The following MYO1E variants were observed in gnomAD, a reference collection of about 807,000 sequenced individuals.
MYO1E encodes the protein unconventional myosin-Ie.
In MYO1E, 68 loss-of-function variants were observed where a neutral mutation model predicts 151.1. The ratio of observed to expected loss-of-function variants is 0.45; its 90% CI spans 0.37 to 0.55. MYO1E has a LOEUF of 0.55. Ranked by LOEUF, MYO1E falls within the 20% of genes least tolerant of loss-of-function variation. MYO1E has a pLI of 0.00. For synonymous variants in MYO1E, 601 were observed against 501.7 expected (o/e 1.20, Z -2.64); for missense variants, 1,363 against 1,389.3 (o/e 0.98, Z 0.30).
intron 25 of MYO1E, among the ~76,000 whole-genome samples, chr15:59,157,172 G>C (rs1041348965): frequency 2.0e-5 from 3 of 152,106 alleles, no homozygotes; most frequent in Admixed American, 6.5e-5. Flanking sequence ...GCTGCAGTGA[G>C]CTATGATGGC....
intron 7 of MYO1E, 119 bp downstream of exon 7, chr15:59,227,340 A>G: frequency 8.3e-7 from 1 of 1,208,932 alleles, no homozygotes. Context: ...TGACTTGTAC[A>G]TGGTATCATC....
chr15:59,188,467 G>A (rs902382923), intron 17 of MYO1E, among the ~76,000 whole-genome samples: 11 of 152,178 alleles, frequency 7.2e-5, no homozygotes, highest in Non-Finnish European at 1.0e-4. Context: ...AGGGTGAGGC[G>A]GGTAGATCAC....
intron 18 of MYO1E, among the ~76,000 whole-genome samples, chr15:59,180,238 A>G (rs148441413): frequency 3.0e-4 from 45 of 152,370 alleles, no homozygotes; most frequent in Middle Eastern, 3.4e-3. Context: ...TGTTATAAGG[A>G]TGTTAATTAA....
At chr15:59,335,928 G>C (rs1328343929) in intron 1 of MYO1E, among the ~76,000 whole-genome samples, 1 of 151,634 alleles carries the variant, frequency 6.6e-6, no homozygotes, top group African/African-American at 2.4e-5. Context: ...TTTCCAATGA[G>C]AACCCGGCTG....
intron 1 of MYO1E, among the ~76,000 whole-genome samples, chr15:59,333,274 C>G (rs576646432): frequency 6.6e-6 from 1 of 152,196 alleles, no homozygotes; most frequent in South Asian, 2.1e-4. Context: ...GGGCCTCGCT[C>G]TGTTACCCAG....
chr15:59,272,527 C>T (rs1014319888), intron 1 of MYO1E, 78 bp from the exon 2 acceptor site: 3 of 1,443,344 alleles, frequency 2.1e-6, no homozygotes, highest in African/African-American at 1.4e-5. Flanking sequence ...TGTTAATTTC[C>T]CAAATATTCT....
intron 5 of MYO1E, among the ~76,000 whole-genome samples, chr15:59,232,669 G>A (rs1265932455): frequency 6.6e-6 from 1 of 152,190 alleles, no homozygotes; most frequent in Non-Finnish European, 1.5e-5. Context: ...CTTCTGGCTT[G>A]TGCTCTTTAG....
intron 19 of MYO1E, among the ~76,000 whole-genome samples, chr15:59,176,457 T>C (rs1264108751): frequency 1.3e-5 from 2 of 150,720 alleles, no homozygotes; most frequent in Non-Finnish European, 3.0e-5. Flanking sequence ...TCCTTTTTTT[T>C]TTTTTTTTCT....
chr15:59,365,929 T>G (rs2080910399), intron 1 of MYO1E, among the ~76,000 whole-genome samples: 2 of 152,186 alleles, frequency 1.3e-5, no homozygotes, highest in African/African-American at 4.8e-5. Context: ...CACTGGGCAC[T>G]AAGGAGTTAA....
Position 59,208,790 on chromosome 15 carries a change from C to G in MYO1E, c.1421G>C (p.Gly474Ala). 6.2e-7 allele frequency: 1 copy of G among 1,614,242 alleles called. No homozygotes were observed. Among genetic ancestry groups the G allele is most frequent in the Non-Finnish European group, 8.5e-7 (1 of 1,180,034 alleles). The change falls in exon 14 of 28, where the codon GGT becomes GCT. Residue 474 changes from glycine to alanine, a missense_variant. Gly to Ala is a moderately conservative substitution (Grantham distance 60). Transcript: ENST00000288235. ...GAGCAGCGTCTGATCTGCCCCCTCA[C>G]CCACCGCATGCATCGTGGCGCACAC... Reference protein sequence around the residue: ...DDVCATMHAVGEGADQTLLQK... With the variant: ...DDVCATMHAVAEGADQTLLQK...
At chr15:59,141,526 T>C (rs569033534) in intron 26 of MYO1E, among the ~76,000 whole-genome samples, 33 of 152,190 alleles carry the variant, frequency 2.2e-4, no homozygotes, top group African/African-American at 7.9e-4. Flanking sequence ...TGGCTAGGCA[T>C]GGTGGCTCAC....
rs1416253050 is a variant in MYO1E, at chr15:59,165,810, T to C, written c.2481-2507A>G. On this transcript the variant is annotated intron_variant, in intron 22 of 27. Transcript: ENST00000288235. ...ACCCGGCTGCATTAGGTAGAGTGCATGCAAAAGACCAGAGTAAAACAAGAA... is the reference window on the plus strand; with the variant it reads ...ACCCGGCTGCATTAGGTAGAGTGCACGCAAAAGACCAGAGTAAAACAAGAA... 3.3e-5 allele frequency among the ~76,000 whole-genome samples: 5 copies of C among 152,352 alleles called. No homozygotes were observed. In the East Asian group the frequency reaches 9.6e-4, roughly 29 times the overall value.
At chr15:59,341,131 G>C (rs777375415) in intron 1 of MYO1E, among the ~76,000 whole-genome samples, 5 of 151,058 alleles carry the variant, frequency 3.3e-5, no homozygotes, top group Admixed American at 1.3e-4. Flanking sequence ...TGGATATTTT[G>C]ATACAGGCAT....
At chr15:59,166,548 T>C (rs781758011) in intron 22 of MYO1E, among the ~76,000 whole-genome samples, 7 of 151,202 alleles carry the variant, frequency 4.6e-5, no homozygotes, top group Non-Finnish European at 8.8e-5. Flanking sequence ...CCTGAAGGAG[T>C]TTTGTTTTTT....
At chr15:59,324,669 C>CCCCCG in intron 1 of MYO1E, among the ~76,000 whole-genome samples, 2 of 150,428 alleles carry the variant, frequency 1.3e-5, no homozygotes, top group African/African-American at 5.0e-5. Context: ...CCAAGCCCCC[C>CCCCCG]CCCCACAGAG....
At chr15:59,218,406 A>C in intron 9 of MYO1E, 2 of 458,680 alleles carry the variant, frequency 4.4e-6, no homozygotes, top group Non-Finnish European at 8.3e-6. Context: ...AATGCCTAAA[A>C]TGGACATCTC....
At chr15:59,285,831 C>A (rs75253267) in intron 1 of MYO1E, among the ~76,000 whole-genome samples, 2,802 of 152,280 alleles carry the variant, frequency 0.018, 96 homozygotes, top group African/African-American at 0.062. Flanking sequence ...CAGGTCGGCA[C>A]AAAAGTAATT....
intron 27 of MYO1E, 53 bp from the exon 28 acceptor site, chr15:59,137,509 C>A: frequency 7.2e-7 from 1 of 1,397,058 alleles, no homozygotes; most frequent in Non-Finnish European, 1.0e-6. Context: ...TGTTCTGCCC[C>A]AGCCACACAC....
At chr15:59,323,029 TATG>T (rs1596416961) in intron 1 of MYO1E, among the ~76,000 whole-genome samples, 2 of 148,186 alleles carry the variant, frequency 1.3e-5, no homozygotes, top group East Asian at 4.0e-4. Context: ...AATAGCCTGG[TATG>T]GTGGTGGGCA....
Sources: allele counts gnomAD v4.1 joint callset (sites outside exome capture counted in the v4.1 genomes callset), GRCh38; gene constraint gnomAD v4.1.1; transcripts MANE v1.5; gene names NCBI Gene and HGNC (gene_info 2026-07-23, HGNC 2026-07-21).